The following ZFHX3 variants were observed in gnomAD, a reference collection of about 807,000 sequenced individuals.
ZFHX3 encodes zinc finger homeobox 3, also known as zinc finger homeobox protein 3.
Under a neutral mutation model 279.1 loss-of-function variants are expected in ZFHX3, and 42 were observed. The observed-to-expected ratio is 0.15, with a 90% CI of 0.12 to 0.19. The LOEUF (loss-of-function observed/expected upper bound fraction) is 0.19, where lower values mean the gene tolerates loss of function less well. ZFHX3 is among the 10% of genes least tolerant of loss of function. The pLI, the probability that ZFHX3 is intolerant of heterozygous loss-of-function variation, is 1.00. For synonymous variants in ZFHX3, 2,293 were observed against 1,957.8 expected (o/e 1.17, Z -4.52); for missense variants, 4,981 against 4,754.0 (o/e 1.05, Z -1.40).
intron 1 of ZFHX3, among the ~76,000 whole-genome samples, chr16:73,840,730 T>C (rs8045419): frequency 0.015 from 2,269 of 152,340 alleles, 62 homozygotes; most frequent in African/African-American, 0.052. Flanking sequence ...TCCCACATTA[T>C]GCAACATGCC....
chr16:73,220,051 A>T (rs985411590), intron 5 of ZFHX3, among the ~76,000 whole-genome samples: 4 of 151,982 alleles, frequency 2.6e-5, no homozygotes, highest in African/African-American at 9.7e-5. Flanking sequence ...GTGCCATTGT[A>T]CTCCAGCCTG....
chr16:73,674,659 A>G (rs2052936089), intron 2 of ZFHX3, among the ~76,000 whole-genome samples: 1 of 152,208 alleles, frequency 6.6e-6, no homozygotes, highest in Admixed American at 6.5e-5. Flanking sequence ...TACCTCTTGA[A>G]TCTGGGTTGG....
intron 1 of ZFHX3, among the ~76,000 whole-genome samples, chr16:73,757,618 A>G (rs1054054098): frequency 1.3e-5 from 2 of 152,192 alleles, no homozygotes; most frequent in Non-Finnish European, 2.9e-5. Flanking sequence ...CCAACAAGAT[A>G]GTCAGAGTTT....
At chr16:73,792,073 CCTGTG>C (rs1307283381) in intron 1 of ZFHX3, among the ~76,000 whole-genome samples, 2 of 152,188 alleles carry the variant, frequency 1.3e-5, no homozygotes, top group African/African-American at 4.8e-5. Context: ...TGTGTTCTGA[CCTGTG>C]CTGGCCAACT....
At chr16:72,908,755 G>A (rs138872627) in intron 3 of ZFHX3, among the ~76,000 whole-genome samples, 3 of 152,264 alleles carry the variant, frequency 2.0e-5, no homozygotes, top group East Asian at 1.9e-4. Flanking sequence ...AAATCAGCAC[G>A]GCGATACGAG....
intron 3 of ZFHX3, among the ~76,000 whole-genome samples, chr16:73,366,983 G>C (rs1293092960): frequency 6.6e-6 from 1 of 152,072 alleles, no homozygotes; most frequent in South Asian, 2.1e-4. Context: ...TGCGGGCCCA[G>C]GACTTTGCTC....
At chr16:73,712,966 G>C (rs1463237463) in intron 1 of ZFHX3, among the ~76,000 whole-genome samples, 1 of 152,176 alleles carries the variant, frequency 6.6e-6, no homozygotes, top group East Asian at 1.9e-4. Flanking sequence ...GCATTGCTCA[G>C]AGCCCTGGAC....
chr16:73,459,873 G>T (rs1041431254), intron 2 of ZFHX3, among the ~76,000 whole-genome samples: 1 of 152,146 alleles, frequency 6.6e-6, no homozygotes, highest in Non-Finnish European at 1.5e-5. Flanking sequence ...CAGCATGGGG[G>T]AAACCACCCC....
intron 1 of ZFHX3, among the ~76,000 whole-genome samples, chr16:73,023,589 C>T (rs949302783): frequency 2.6e-5 from 4 of 152,254 alleles, no homozygotes; most frequent in African/African-American, 9.6e-5. Flanking sequence ...TGTGCTTACG[C>T]AGGTCACACA....
chr16:73,147,162 C>T (rs999715627), intron 5 of ZFHX3, among the ~76,000 whole-genome samples: 5 of 152,156 alleles, frequency 3.3e-5, no homozygotes, highest in African/African-American at 4.8e-5. Flanking sequence ...TATGGGGAGA[C>T]GTTGGCATGA....
At chr16:73,181,495 G>A (rs1967796092) in intron 5 of ZFHX3, among the ~76,000 whole-genome samples, 1 of 152,130 alleles carries the variant, frequency 6.6e-6, no homozygotes, top group African/African-American at 2.4e-5. Flanking sequence ...GGGCAGTATA[G>A]GTTTATGTCT....
At chr16:73,516,008 A>C (rs1241496875) in intron 2 of ZFHX3, among the ~76,000 whole-genome samples, 1 of 152,214 alleles carries the variant, frequency 6.6e-6, no homozygotes, top group South Asian at 2.1e-4. Context: ...TATGAAATAC[A>C]TTTATATTCA....
chr16:73,138,696 T>C (rs1470875389), intron 6 of ZFHX3, among the ~76,000 whole-genome samples: 6 of 146,434 alleles, frequency 4.1e-5, no homozygotes, highest in African/African-American at 1.7e-4. Flanking sequence ...TGAGATAGGG[T>C]CTCACTTTTG....
At chr16:72,843,443 G>A (rs1025278650) in intron 4 of ZFHX3, among the ~76,000 whole-genome samples, 14 of 150,484 alleles carry the variant, frequency 9.3e-5, no homozygotes, top group South Asian at 6.3e-4. Flanking sequence ...CCCGGGAGAC[G>A]GAGCTTGCAG....
At chr16:73,117,984 G>A (rs1209873598) in intron 7 of ZFHX3, among the ~76,000 whole-genome samples, 1 of 152,190 alleles carries the variant, frequency 6.6e-6, no homozygotes, top group Non-Finnish European at 1.5e-5. Flanking sequence ...AAGCCATCCA[G>A]TCTAGAGTTG....
In ZFHX3 at chr16:72,888,849, G is replaced by A. The variant is rs114202056; in HGVS notation, c.3448+882C>T. On this transcript the variant is annotated intron_variant, in intron 4 of 9. Coordinates refer to ENST00000268489, the MANE Select transcript of ZFHX3 (RefSeq NM_006885.4). Reference sequence around the variant, plus strand: ...GGAATAGAGGTGAGCAGTTCACAGGGTTCTCTCAAGAATCTGGAAGATTCT... The same window carrying A: ...GGAATAGAGGTGAGCAGTTCACAGGATTCTCTCAAGAATCTGGAAGATTCT... 3.2e-3 allele frequency among the ~76,000 whole-genome samples: 493 copies of A among 152,288 alleles called. 3 individuals carry two copies. The highest frequency in any genetic ancestry group is 0.011 in the African/African-American group (477 of 41,542).
chr16:73,064,823 G>A (rs1278681538), intron 8 of ZFHX3, among the ~76,000 whole-genome samples: 1 of 152,226 alleles, frequency 6.6e-6, no homozygotes, highest in African/African-American at 2.4e-5. Flanking sequence ...TCCAACCTTG[G>A]GGCAGGAGGC....
At chr16:73,398,787 C>T (rs953420722) in intron 3 of ZFHX3, among the ~76,000 whole-genome samples, 21 of 152,180 alleles carry the variant, frequency 1.4e-4, no homozygotes, top group Non-Finnish European at 1.9e-4. Context: ...TCTGGGAACT[C>T]CTATAACACT....
intron 1 of ZFHX3, among the ~76,000 whole-genome samples, chr16:72,961,306 G>A (rs945989025): frequency 5.9e-5 from 9 of 152,178 alleles, no homozygotes; most frequent in Admixed American, 4.6e-4. Context: ...TTCCATTTCC[G>A]ACTCCAAAGT....
Sources: gnomAD v4.1 joint callset for allele counts (sites outside exome capture counted in the v4.1 genomes callset) on GRCh38, gnomAD v4.1.1 for gene constraint, MANE v1.5 for transcripts, NCBI Gene and HGNC (gene_info 2026-07-23, HGNC 2026-07-21) for gene names.